ASPH: variants seen among roughly 807,000 people sequenced by gnomAD.
ASPH encodes the protein aspartyl/asparaginyl beta-hydroxylase.
Under a neutral mutation model 118.4 loss-of-function variants are expected in ASPH, and 100 were observed. The observed-to-expected ratio is 0.84, with a 90% CI of 0.72 to 1.00. ASPH has a LOEUF of 1.00. ASPH is among the 50% of genes least tolerant of loss of function. The pLI, the probability that ASPH is intolerant of heterozygous loss-of-function variation, is 0.00. For synonymous variants in ASPH, 315 were observed against 325.6 expected (o/e 0.97, Z 0.35); for missense variants, 920 against 919.5 (o/e 1.00, Z -0.01).
intron 22 of ASPH, among the ~76,000 whole-genome samples, chr8:61,524,732 C>CA (rs1814587868): frequency 6.6e-6 from 1 of 151,150 alleles, no homozygotes; most frequent in Non-Finnish European, 1.5e-5. Flanking sequence ...TAATACTTTG[C>CA]ATATTAATTT....
At chr8:61,605,456 A>T (rs937351941) in intron 14 of ASPH, among the ~76,000 whole-genome samples, 1 of 152,242 alleles carries the variant, frequency 6.6e-6, no homozygotes, top group African/African-American at 2.4e-5. Flanking sequence ...TACATGGGAG[A>T]AAAAGCTCAG....
At chr8:61,646,972 G>A (rs965994396) in intron 5 of ASPH, 94 bp from the exon 6 acceptor site, 1 of 1,540,930 alleles carries the variant, frequency 6.5e-7, no homozygotes, top group African/African-American at 1.4e-5. Context: ...TGCTGCTGGG[G>A]CTTCCCCTGC....
At chr8:61,578,927 G>A in intron 15 of ASPH, 1 of 1,611,494 alleles carries the variant, frequency 6.2e-7, no homozygotes, top group East Asian at 2.2e-5. Flanking sequence ...GGGAGCTGCA[G>A]TCCCAGATCT....
At chr8:61,586,085 T>C (rs1839361952) in intron 14 of ASPH, among the ~76,000 whole-genome samples, 1 of 152,184 alleles carries the variant, frequency 6.6e-6, no homozygotes, top group South Asian at 2.1e-4. Context: ...ACACAGTTGA[T>C]GCCCTCCTCC....
intron 11 of ASPH, 152 bp from the exon 12 acceptor site, chr8:61,638,155 T>C: frequency 8.7e-7 from 1 of 1,150,102 alleles, no homozygotes; most frequent in South Asian, 1.5e-5. Context: ...CTGCAGAGTA[T>C]TTATATTAGA....
intron 21 of ASPH, among the ~76,000 whole-genome samples, chr8:61,532,927 A>G (rs1481269685): frequency 2.6e-5 from 4 of 152,198 alleles, no homozygotes; most frequent in Non-Finnish European, 5.9e-5. Flanking sequence ...ATGCAAGTAT[A>G]GCTATGATGA....
chr8:61,705,747 C>T (rs1836445190), intron 1 of ASPH, among the ~76,000 whole-genome samples: 1 of 151,904 alleles, frequency 6.6e-6, no homozygotes, highest in Non-Finnish European at 1.5e-5. Flanking sequence ...AAAATTTGTG[C>T]AATTCACTAC....
rs566595304 is a variant in ASPH, at chr8:61,638,072, C to T, written c.833-69G>A. The T allele has an allele frequency of 4.2e-6, 6 of 1,445,618 alleles. No homozygotes were observed. The South Asian group carries it at 5.1e-5, about 12-fold the overall frequency. 89.5% of individuals were successfully genotyped at this position (1,445,618 alleles called of 1,614,324 possible). On this transcript the variant is annotated intron_variant, in intron 11 of 24. Coordinates refer to ENST00000379454, the MANE Select transcript of ASPH (RefSeq NM_004318.4). ...CAGTGACACATCTTACATTCACTCG[C>T]CTTCATTCAGATTCCTAAATTAACT... is the stretch of plus-strand genomic sequence containing the variant.
chr8:61,622,943 C>T (rs1479307829), intron 13 of ASPH, among the ~76,000 whole-genome samples: 6 of 152,184 alleles, frequency 3.9e-5, no homozygotes, highest in African/African-American at 1.4e-4. Context: ...TAAAAACAAC[C>T]TGTTCTAGAA....
intron 14 of ASPH, among the ~76,000 whole-genome samples, chr8:61,585,580 GC>G (rs869273477): frequency 1.9e-5 from 2 of 103,488 alleles, no homozygotes; most frequent in South Asian, 2.5e-4. Flanking sequence ...TCTCTCGTGT[GC>G]CCCCTGGTGG....
At chr8:61,560,929 A>G (rs779600868) in intron 18 of ASPH, among the ~76,000 whole-genome samples, 15 of 151,334 alleles carry the variant, frequency 9.9e-5, no homozygotes, top group African/African-American at 3.2e-4. Flanking sequence ...GGAAAGAAAG[A>G]AGGAGGAAAG....
intron 19 of ASPH, 142 bp from the exon 20 acceptor site, chr8:61,553,262 A>C: frequency 3.3e-6 from 2 of 602,538 alleles, no homozygotes; most frequent in African/African-American, 1.9e-5. Context: ...TTTGGGAATG[A>C]GGTTACTGGT....
At chr8:61,567,340 G>A in intron 16 of ASPH, 22 bp from the exon 17 acceptor site, 14 of 1,599,546 alleles carry the variant, frequency 8.8e-6, no homozygotes, top group Non-Finnish European at 1.2e-5. Flanking sequence ...CCCCAGACTG[G>A]ATAAATGTCC....
chr8:61,562,379 G>T (rs1173351665), intron 18 of ASPH, among the ~76,000 whole-genome samples: 2 of 54,820 alleles, frequency 3.6e-5, no homozygotes, highest in South Asian at 5.7e-4. Flanking sequence ...AAAAAAAAAG[G>T]AAAGTGTGTC....
rs1170234592 is a variant in ASPH, at chr8:61,500,985, C to CTATT, written c.*2370_*2373dup. 2 of 152,006 alleles carry CTATT rather than the reference C, an allele frequency of 1.3e-5. No homozygotes were observed. Among genetic ancestry groups the CTATT allele is most frequent in the Admixed American group, 6.6e-5 (1 of 15,256 alleles). The allele number at this position is 152,006 out of a possible 1,614,324, so 9.4% of individuals were successfully genotyped here. The stretch of plus-strand genomic sequence containing the variant: ...GGATCTAATGTTTTAATTTTTTCCC[C>CTATT]TATTGGTAGAGAACAATAACAGAAG... On this transcript the variant is annotated 3_prime_UTR_variant, in exon 25 of 25. Transcript: ENST00000379454.
Position 61,639,040 on chromosome 8 carries a change from ACCTACTATCT to A in ASPH, c.791-687_791-678del, listed in dbSNP as rs988147795. Reference sequence around the variant, plus strand: ...ATTTAATAAAGAAAAATTATTGAGCACCTACTATCTTTCAGACACTCTCAGTATTGGGGTA... The same window carrying A: ...ATTTAATAAAGAAAAATTATTGAGCATTCAGACACTCTCAGTATTGGGGTA... On this transcript the variant is annotated intron_variant, in intron 10 of 24. Coordinates refer to ENST00000379454, the MANE Select transcript of ASPH (RefSeq NM_004318.4). 2.6e-4 allele frequency among the ~76,000 whole-genome samples: 39 copies of A among 152,298 alleles called. 1 individual carries two copies. The South Asian group carries it at 5.8e-3, about 23-fold the overall frequency.
At chr8:61,640,194 G>A (rs1353067342) in intron 10 of ASPH, among the ~76,000 whole-genome samples, 2 of 152,096 alleles carry the variant, frequency 1.3e-5, no homozygotes, top group Non-Finnish European at 2.9e-5. Flanking sequence ...ATCTCCTTTG[G>A]TTCCTTCAGA....
intron 1 of ASPH, among the ~76,000 whole-genome samples, chr8:61,711,330 G>A (rs1375575007): frequency 1.3e-5 from 2 of 152,094 alleles, no homozygotes; most frequent in Admixed American, 6.5e-5. Flanking sequence ...AGGACATCAT[G>A]ATCCTTCTTT....
At chr8:61,695,928 A>G (rs1833830545) in intron 1 of ASPH, among the ~76,000 whole-genome samples, 2 of 152,234 alleles carry the variant, frequency 1.3e-5, no homozygotes, top group African/African-American at 4.8e-5. Context: ...CCCCATCTCC[A>G]TGAATTTAAT....
Sources: gnomAD v4.1 joint callset for allele counts (sites outside exome capture counted in the v4.1 genomes callset) on GRCh38, gnomAD v4.1.1 for gene constraint, MANE v1.5 for transcripts, NCBI Gene and HGNC (gene_info 2026-07-23, HGNC 2026-07-21) for gene names.